LNX2: variants seen among roughly 807,000 people sequenced by gnomAD.
The protein encoded by LNX2 is ligand of numb-protein X 2, also known as ligand of Numb protein X 2.
In LNX2, 35 loss-of-function variants were observed where a neutral mutation model predicts 66.2. The observed-to-expected ratio is 0.53, with a 90% CI of 0.40 to 0.70. LNX2 has a LOEUF of 0.70. LNX2 is among the 30% of genes least tolerant of loss of function. The pLI is 0.00. For missense variants in LNX2, 791 were observed against 850.8 expected (o/e 0.93, Z 0.87); for synonymous variants, 337 against 315.6 (o/e 1.07, Z -0.72).
chr13:27,564,902 G>A lies in LNX2; in HGVS notation c.856-2121C>T, dbSNP rs140866907. Among the ~76,000 whole-genome samples, 36 of 152,242 alleles carry A rather than the reference G, an allele frequency of 2.4e-4. No individual in the cohort carries two copies. The East Asian group carries it at 5.6e-3, about 24-fold the overall frequency. ...CATAAATAGTCCATATGTGGGAAAG[G>A]GGGGTGGCTTTACTTGGCTCCAACA... On this transcript the variant is annotated intron_variant, in intron 4 of 9. Coordinates refer to ENST00000316334, the MANE Select transcript of LNX2 (RefSeq NM_153371.4).
At chr13:27,611,305 G>C (rs553601680) in intron 1 of LNX2, among the ~76,000 whole-genome samples, 1 of 152,308 alleles carries the variant, frequency 6.6e-6, no homozygotes, top group African/African-American at 2.4e-5. Context: ...CTACAACATG[G>C]ATGAACCTTG....
At chr13:27,608,271 T>C (rs1486745765) in intron 1 of LNX2, among the ~76,000 whole-genome samples, 2 of 152,248 alleles carry the variant, frequency 1.3e-5, no homozygotes, top group South Asian at 2.1e-4. Flanking sequence ...TCTATGCTTT[T>C]GTCATCTAAA....
At chr13:27,576,261 GAAC>G (rs1955339282) in intron 2 of LNX2, among the ~76,000 whole-genome samples, 1 of 152,138 alleles carries the variant, frequency 6.6e-6, no homozygotes, top group Admixed American at 6.5e-5. Context: ...AATACTAACA[GAAC>G]AACTAGACAT....
chr13:27,568,376 G>A (rs1042064778), intron 3 of LNX2, among the ~76,000 whole-genome samples: 21 of 152,214 alleles, frequency 1.4e-4, no homozygotes, highest in African/African-American at 5.1e-4. Flanking sequence ...GAAATATCAA[G>A]GGCCCACTAC....
intron 1 of LNX2, among the ~76,000 whole-genome samples, chr13:27,586,176 G>A (rs1413535649): frequency 6.6e-6 from 1 of 151,644 alleles, no homozygotes; most frequent in Non-Finnish European, 1.5e-5. Context: ...TAGGTGCAAT[G>A]TAAGTGCTAT....
At chr13:27,616,629 A>G (rs1955829989) in intron 1 of LNX2, among the ~76,000 whole-genome samples, 1 of 152,238 alleles carries the variant, frequency 6.6e-6, no homozygotes, top group Non-Finnish European at 1.5e-5. Flanking sequence ...TTAGCAAAAT[A>G]GATAGGATCC....
intron 1 of LNX2, among the ~76,000 whole-genome samples, chr13:27,590,726 C>T (rs181319328): frequency 1.3e-5 from 2 of 152,022 alleles, no homozygotes; most frequent in South Asian, 2.1e-4. Context: ...GCAAAAGAAT[C>T]GGGTGGATAC....
chr13:27,550,775 C>T (rs188270268), intron 8 of LNX2, among the ~76,000 whole-genome samples: 1 of 152,178 alleles, frequency 6.6e-6, no homozygotes, highest in South Asian at 2.1e-4. Context: ...ACCTCAGTAA[C>T]CTGTACAAAA....
intron 2 of LNX2, among the ~76,000 whole-genome samples, chr13:27,576,255 C>T (rs550363364): frequency 3.3e-5 from 5 of 152,184 alleles, no homozygotes; most frequent in Admixed American, 6.5e-5. Flanking sequence ...ACTTTCAATA[C>T]TAACAGAACA....
intron 4 of LNX2, among the ~76,000 whole-genome samples, chr13:27,563,893 T>C (rs1159152753): frequency 6.6e-6 from 1 of 152,216 alleles, no homozygotes; most frequent in African/African-American, 2.4e-5. Context: ...ACTTGCTTTC[T>C]CCCAAGTCTG....
Position 27,548,381 on chromosome 13 carries a change from T to C in LNX2, c.2027A>G (p.Asn676Ser), listed in dbSNP as rs1220652178. 1.2e-6 allele frequency: 2 copies of C among 1,614,182 alleles called. No homozygotes were observed. The highest frequency in any genetic ancestry group is 1.7e-6 in the Non-Finnish European group (2 of 1,180,000). Residue 676 changes from asparagine to serine, a missense_variant, in exon 10 of 10, where the codon AAC (asparagine) becomes AGC (serine). Asn to Ser is a conservative substitution (Grantham distance 46). Transcript: ENST00000316334. ...ALVPMLKEQR[N>S]KVTLTVICWP... Reference sequence around the variant, plus strand: ...ACAAATAACGGTCAGAGTGACTTTGTTCCTCTGCTCCTTCAACATGGGAAC... The same window carrying C: ...ACAAATAACGGTCAGAGTGACTTTGCTCCTCTGCTCCTTCAACATGGGAAC...
chr13:27,550,283 T>C (rs757944505), intron 9 of LNX2, 50 bp downstream of exon 9: 1 of 1,547,472 alleles, frequency 6.5e-7, no homozygotes, highest in East Asian at 2.3e-5. Context: ...GTCTAGATCA[T>C]GTCCAATGTC....
chr13:27,589,281 A>G (rs1955524676), intron 1 of LNX2, among the ~76,000 whole-genome samples: 1 of 152,224 alleles, frequency 6.6e-6, no homozygotes, highest in Non-Finnish European at 1.5e-5. Flanking sequence ...TATTTACCGT[A>G]TCATATGGGA....
chr13:27,597,110 T>C (rs1198487244), intron 1 of LNX2, among the ~76,000 whole-genome samples: 1 of 152,122 alleles, frequency 6.6e-6, no homozygotes, highest in East Asian at 1.9e-4. Context: ...AATCAAAACC[T>C]CTAAGGCCTA....
At chr13:27,597,402 C>T (rs1035599650) in intron 1 of LNX2, among the ~76,000 whole-genome samples, 19 of 152,064 alleles carry the variant, frequency 1.2e-4, no homozygotes, top group Admixed American at 7.2e-4. Flanking sequence ...AGAAACAATA[C>T]GAGGACTCTC....
At chr13:27,575,035 GT>G (rs1434609963) in intron 2 of LNX2, among the ~76,000 whole-genome samples, 2 of 152,188 alleles carry the variant, frequency 1.3e-5, no homozygotes, top group African/African-American at 4.8e-5. Flanking sequence ...ATGTTTGTTG[GT>G]AGCATGCTTA....
chr13:27,581,250 A>T (rs1023125356), intron 2 of LNX2, 47 bp downstream of exon 2: 1 of 1,424,692 alleles, frequency 7.0e-7, no homozygotes, highest in Admixed American at 3.1e-5. Context: ...CATTTGAACC[A>T]CCTTTTTCCA....
intron 1 of LNX2, among the ~76,000 whole-genome samples, chr13:27,600,096 T>C (rs1407346618): frequency 6.6e-6 from 1 of 152,192 alleles, no homozygotes; most frequent in Non-Finnish European, 1.5e-5. Context: ...TATGTGTTGG[T>C]TATCTGCTGC....
intron 1 of LNX2, among the ~76,000 whole-genome samples, chr13:27,588,021 CAAAAAAAA>C (rs56812051): frequency 7.5e-5 from 7 of 93,530 alleles, no homozygotes; most frequent in African/African-American, 2.7e-4. Flanking sequence ...ACTCTTGTCA[CAAAAAAAA>C]AAAAAAAAAA....
Sources: gnomAD v4.1 joint callset for allele counts (sites outside exome capture counted in the v4.1 genomes callset) on GRCh38, gnomAD v4.1.1 for gene constraint, MANE v1.5 for transcripts, NCBI Gene and HGNC (gene_info 2026-07-23, HGNC 2026-07-21) for gene names.